KDM4C: variants seen among roughly 807,000 people sequenced by gnomAD.
The protein encoded by KDM4C is lysine demethylase 4C.
In KDM4C, 81 loss-of-function variants were observed where a neutral mutation model predicts 129.3. The ratio of observed to expected loss-of-function variants is 0.63; its 90% CI spans 0.52 to 0.75. The LOEUF (loss-of-function observed/expected upper bound fraction) is 0.75. Ranked by LOEUF, KDM4C falls within the 30% of genes least tolerant of loss-of-function variation. The pLI is 0.00. For missense variants in KDM4C, 1,457 were observed against 1,304.0 expected (o/e 1.12, Z -1.81); for synonymous variants, 573 against 456.1 (o/e 1.26, Z -3.26).
chr9:6,990,365 T>G, intron 11 of KDM4C, 51 bp from the exon 12 acceptor site: 3 of 1,144,098 alleles, frequency 2.6e-6, no homozygotes, highest in South Asian at 2.6e-5. Context: ...TTTTTTTTTG[T>G]AGTTTGTTTT....
intron 8 of KDM4C, among the ~76,000 whole-genome samples, chr9:6,969,098 G>C (rs1235334968): frequency 2.6e-5 from 4 of 152,064 alleles, no homozygotes; most frequent in African/African-American, 9.7e-5. Flanking sequence ...ACCACACCTG[G>C]CTAATTTTTG....
intron 20 of KDM4C, among the ~76,000 whole-genome samples, chr9:7,168,827 G>A (rs1844663493): frequency 2.0e-5 from 3 of 152,124 alleles, no homozygotes; most frequent in Non-Finnish European, 4.4e-5. Flanking sequence ...CACTTTGGGA[G>A]GCCAAGGTGG....
At chr9:6,851,196 G>A (rs1207027951) in intron 5 of KDM4C, among the ~76,000 whole-genome samples, 3 of 152,094 alleles carry the variant, frequency 2.0e-5, no homozygotes, top group Admixed American at 6.6e-5. Context: ...CCAGGCCGGT[G>A]CTGACCTCCT....
At chr9:7,000,741 G>A (rs1406834122) in intron 12 of KDM4C, among the ~76,000 whole-genome samples, 2 of 152,194 alleles carry the variant, frequency 1.3e-5, no homozygotes, top group South Asian at 4.1e-4. Context: ...CTGAACGCCA[G>A]TTTCTTTTTC....
chr9:7,019,097 A>G (rs1179389446), intron 15 of KDM4C, among the ~76,000 whole-genome samples: 1 of 152,196 alleles, frequency 6.6e-6, no homozygotes, highest in Non-Finnish European at 1.5e-5. Context: ...TGAAAAAATA[A>G]TTGAATGAAG....
At chr9:6,819,480 C>A (rs1832662823) in intron 4 of KDM4C, among the ~76,000 whole-genome samples, 1 of 152,176 alleles carries the variant, frequency 6.6e-6, no homozygotes, top group Admixed American at 6.5e-5. Context: ...TTGGTAGGAC[C>A]TACAAGGCAG....
At chr9:7,126,079 C>T (rs1156934038) in intron 18 of KDM4C, among the ~76,000 whole-genome samples, 3 of 152,144 alleles carry the variant, frequency 2.0e-5, no homozygotes, top group African/African-American at 7.2e-5. Context: ...TAATATGTGC[C>T]AATCACTCTG....
At chr9:7,164,438 G>T (rs10976081) in intron 19 of KDM4C, among the ~76,000 whole-genome samples, 22,247 of 151,860 alleles carry the variant, frequency 0.15, 1,815 homozygotes, top group Middle Eastern at 0.27. Flanking sequence ...TGAAACAGAA[G>T]ATCTGAAATG....
chr9:6,823,058 G>C (rs923237852), intron 4 of KDM4C, among the ~76,000 whole-genome samples: 12 of 152,308 alleles, frequency 7.9e-5, no homozygotes, highest in Middle Eastern at 3.4e-3. Flanking sequence ...TCATTAAATA[G>C]AGGTATAAAA....
intron 18 of KDM4C, among the ~76,000 whole-genome samples, chr9:7,110,249 A>G (rs1838165858): frequency 6.6e-6 from 1 of 152,322 alleles, no homozygotes; most frequent in East Asian, 1.9e-4. Context: ...GAGCTCTACT[A>G]GAGACCAAAT....
At chr9:6,794,644 G>T (rs375166083) in intron 2 of KDM4C, among the ~76,000 whole-genome samples, 1 of 152,166 alleles carries the variant, frequency 6.6e-6, no homozygotes, top group South Asian at 2.1e-4. Flanking sequence ...AAGAGCCAAT[G>T]GTGACCCAGA....
chr9:6,989,956 A>AG (rs1818429703), intron 11 of KDM4C, among the ~76,000 whole-genome samples: 6 of 116,000 alleles, frequency 5.2e-5, no homozygotes, highest in Non-Finnish European at 7.7e-5. Context: ...TTTTTTTTAA[A>AG]TTATTGACAC....
At chr9:7,003,515 G>C (rs1047462128) in intron 12 of KDM4C, among the ~76,000 whole-genome samples, 2 of 151,692 alleles carry the variant, frequency 1.3e-5, no homozygotes, top group Non-Finnish European at 2.9e-5. Context: ...GAGTCATTTG[G>C]AATGTATCCT....
At chr9:6,877,404 G>C (rs920086941) in intron 5 of KDM4C, among the ~76,000 whole-genome samples, 24 of 152,098 alleles carry the variant, frequency 1.6e-4, no homozygotes, top group African/African-American at 5.3e-4. Context: ...GTTTCACCTT[G>C]TTAGCCAGGG....
intron 8 of KDM4C, among the ~76,000 whole-genome samples, chr9:6,964,217 C>G (rs571701673): frequency 2.0e-5 from 3 of 152,016 alleles, no homozygotes; most frequent in African/African-American, 7.2e-5. Context: ...TTAGGTATAT[C>G]TTCTATTGCT....
intron 15 of KDM4C, among the ~76,000 whole-genome samples, chr9:7,029,932 G>A (rs1826448891): frequency 2.0e-5 from 3 of 152,264 alleles, no homozygotes; most frequent in African/African-American, 7.2e-5. Flanking sequence ...TCCAAATAAA[G>A]TATCAGTTGT....
intron 15 of KDM4C, among the ~76,000 whole-genome samples, chr9:7,027,216 T>C (rs1302414340): frequency 6.6e-6 from 1 of 152,192 alleles, no homozygotes; most frequent in Non-Finnish European, 1.5e-5. Context: ...GGCTGGTTTT[T>C]ACCCATTCTC....
rs940865129 is a variant in KDM4C, at chr9:6,971,739, A to G, written c.922-9186A>G. 9.9e-5 allele frequency among the ~76,000 whole-genome samples: 15 copies of G among 152,160 alleles called. No individual in the cohort carries two copies. In the South Asian group the frequency reaches 1.5e-3, roughly 15 times the overall value. ...CAGACTTCCCCCATGTAGTAATGCAATACTTTAAGGTTATCTAATCAAGGG... is the reference window on the plus strand; with the variant it reads ...CAGACTTCCCCCATGTAGTAATGCAGTACTTTAAGGTTATCTAATCAAGGG... On this transcript the variant is annotated intron_variant, in intron 8 of 21. Coordinates refer to ENST00000381309, the MANE Select transcript of KDM4C (RefSeq NM_015061.6).
intron 17 of KDM4C, among the ~76,000 whole-genome samples, chr9:7,082,602 C>A (rs1258210164): frequency 2.0e-5 from 3 of 152,096 alleles, no homozygotes; most frequent in African/African-American, 7.2e-5. Context: ...CAGTCCTTTT[C>A]CTGTGAGAGT....
Sources: allele counts gnomAD v4.1 joint callset (sites outside exome capture counted in the v4.1 genomes callset), GRCh38; gene constraint gnomAD v4.1.1; transcripts MANE v1.5; gene names NCBI Gene and HGNC (gene_info 2026-07-23, HGNC 2026-07-21).